Variants in NEDD9 observed in about 807,000 individuals in gnomAD.
The protein encoded by NEDD9 is neural precursor cell expressed, developmentally down-regulated 9.
Under a neutral mutation model 76.6 loss-of-function variants are expected in NEDD9, and 26 were observed. That is an observed-to-expected ratio of 0.34 (90% CI 0.25 to 0.47). The LOEUF (loss-of-function observed/expected upper bound fraction) is 0.47. NEDD9 is among the 20% of genes least tolerant of loss of function. NEDD9 has a pLI of 1.00. For synonymous variants in NEDD9, 392 were observed against 414.2 expected, an observed-to-expected ratio of 0.95 and a Z score of 0.65; for missense variants, 937 against 1,058.5, an observed-to-expected ratio of 0.89 and a Z score of 1.59.
intron 1 of NEDD9, among the ~76,000 whole-genome samples, chr6:11,350,537 A>G (rs927587139): frequency 1.3e-5 from 2 of 152,238 alleles, no homozygotes; most frequent in Non-Finnish European, 2.9e-5. Context: ...AAGTCTCATC[A>G]TCTGCTTTGG....
chr6:11,236,689 G>T (rs1759610820), upstream of NEDD9, among the ~76,000 whole-genome samples: 1 of 152,142 alleles, frequency 6.6e-6, no homozygotes, highest in Admixed American at 6.6e-5. The surrounding 1 kb of genome is among the most constrained non-coding windows in gnomAD (Gnocchi z 5.5). Context: ...TCTTGGTCTG[G>T]TCTATTCTAA....
chr6:11,355,803 C>T (rs1762556341), intron 1 of NEDD9, among the ~76,000 whole-genome samples: 1 of 152,112 alleles, frequency 6.6e-6, no homozygotes, highest in Admixed American at 6.5e-5. Flanking sequence ...TCACTGCAAG[C>T]TCCGCCTCCT....
rs148783126 is a variant in NEDD9, at chr6:11,260,084, T to C, written c.12+45908A>G. Among the ~76,000 whole-genome samples the C allele has an allele frequency of 4.0e-3, 614 of 152,180 alleles. 6 individuals carry two copies. The highest frequency in any genetic ancestry group is 0.014 in the African/African-American group (583 of 41,512). ...TATAGCCTTTCTTTTAAAATACAAA[T>C]AACCCAAAAAACGGAAATTAAATAA... On this transcript the variant is annotated intron_variant, in intron 3 of 3. Transcript: ENST00000397378.
chr6:11,360,888 G>A (rs1025390870), intron 1 of NEDD9, among the ~76,000 whole-genome samples: 2 of 152,128 alleles, frequency 1.3e-5, no homozygotes, highest in Non-Finnish European at 2.9e-5. Flanking sequence ...CATATTCTGC[G>A]GACAATGGAA....
intron 1 of NEDD9, among the ~76,000 whole-genome samples, chr6:11,374,192 G>A (rs1762933756): frequency 1.3e-5 from 2 of 151,926 alleles, no homozygotes; most frequent in South Asian, 4.1e-4. Context: ...ATTTGCCAGG[G>A]ATCACTCTCA....
intron 1 of NEDD9, among the ~76,000 whole-genome samples, chr6:11,350,994 T>C (rs571129686): frequency 6.6e-6 from 1 of 152,180 alleles, no homozygotes; most frequent in Non-Finnish European, 1.5e-5. Flanking sequence ...TATATATACA[T>C]TGTGGACGCC....
chr6:11,209,115 A>G (rs1758697136), intron 2 of NEDD9, among the ~76,000 whole-genome samples: 1 of 152,246 alleles, frequency 6.6e-6, no homozygotes, highest in Admixed American at 6.5e-5. Flanking sequence ...TGAAATAGTT[A>G]TAAGCCCTAA....
intron 1 of NEDD9, among the ~76,000 whole-genome samples, chr6:11,348,999 G>A (rs930361755): frequency 6.6e-6 from 1 of 152,170 alleles, no homozygotes; most frequent in Non-Finnish European, 1.5e-5. Flanking sequence ...CCTACAGAAT[G>A]GGAGAAAATA....
chr6:11,240,466 C>G (rs1363020291), intron 3 of NEDD9, among the ~76,000 whole-genome samples: 1 of 152,136 alleles, frequency 6.6e-6, no homozygotes, highest in Non-Finnish European at 1.5e-5. Flanking sequence ...CCTCTTAGTT[C>G]TTGATAAACC....
At chr6:11,297,138 T>G (rs201852141) in intron 3 of NEDD9, among the ~76,000 whole-genome samples, 5,416 of 151,970 alleles carry the variant, frequency 0.036, 202 homozygotes, top group African/African-American at 0.089. Context: ...TTTTGTTTTT[T>G]TTTTTTTTTG....
intron 3 of NEDD9, 117 bp from the exon 4 acceptor site, chr6:11,192,563 T>A: frequency 1.5e-6 from 1 of 674,464 alleles, no homozygotes; most frequent in South Asian, 1.9e-5. Flanking sequence ...GCTTGATCTT[T>A]GGCAGTGCTC....
chr6:11,200,895 T>C, intron 2 of NEDD9: 1 of 1,609,638 alleles, frequency 6.2e-7, no homozygotes, highest in South Asian at 1.1e-5. Context: ...GAGATGAAGA[T>C]ATTTATCCAA....
chr6:11,258,408 T>C (rs1363572892), intron 3 of NEDD9: 2 of 152,252 alleles, frequency 1.3e-5, no homozygotes, highest in African/African-American at 4.8e-5. Flanking sequence ...GTTCACTTAA[T>C]GCTGTAACAT....
At chr6:11,216,129 G>A (rs1283774041) in intron 1 of NEDD9, among the ~76,000 whole-genome samples, 1 of 152,178 alleles carries the variant, frequency 6.6e-6, no homozygotes. Context: ...TGTGGGCACC[G>A]CAGGTGAGTC....
intron 3 of NEDD9, among the ~76,000 whole-genome samples, chr6:11,265,474 G>C (rs1325700976): frequency 6.6e-6 from 1 of 152,194 alleles, no homozygotes; most frequent in East Asian, 1.9e-4. Flanking sequence ...AAGTTTTCCA[G>C]CATGTATGGA....
chr6:11,196,000 A>G (rs954190390), intron 2 of NEDD9, among the ~76,000 whole-genome samples: 1 of 151,886 alleles, frequency 6.6e-6, no homozygotes, highest in Non-Finnish European at 1.5e-5. Context: ...GTCTCAAAAA[A>G]CAAACAAACA....
intron 3 of NEDD9, among the ~76,000 whole-genome samples, chr6:11,287,253 C>T (rs1760669660): frequency 1.3e-5 from 2 of 152,044 alleles, no homozygotes; most frequent in South Asian, 4.1e-4. Context: ...CATGGCAAAA[C>T]CCCATCTCTA....
intron 3 of NEDD9, among the ~76,000 whole-genome samples, chr6:11,250,924 G>C (rs992761503): frequency 1.3e-5 from 2 of 152,156 alleles, no homozygotes; most frequent in Non-Finnish European, 2.9e-5. Flanking sequence ...TATGAACTTT[G>C]AGCCAATGTT....
intron 1 of NEDD9, among the ~76,000 whole-genome samples, chr6:11,351,555 C>G (rs937726071): frequency 6.6e-6 from 1 of 152,180 alleles, no homozygotes; most frequent in Non-Finnish European, 1.5e-5. Context: ...GGACATTGGA[C>G]CCTGGTGTGA....
Sources: allele counts gnomAD v4.1 joint callset (sites outside exome capture counted in the v4.1 genomes callset), GRCh38; gene constraint gnomAD v4.1.1; non-coding constraint Gnocchi (gnomAD v3.1); transcripts MANE v1.5; gene names NCBI Gene and HGNC (gene_info 2026-07-23, HGNC 2026-07-21).